Variants in ING4 observed in about 807,000 individuals in gnomAD.
ING4 encodes inhibitor of growth protein 4.
In ING4, 28 loss-of-function variants were observed where a neutral mutation model predicts 33.1. The ratio of observed to expected loss-of-function variants is 0.85; its 90% CI spans 0.63 to 1.16. The LOEUF (loss-of-function observed/expected upper bound fraction) is 1.16. Among genes scored for constraint, ING4 ranks in the 50% most tolerant of loss-of-function variants. The pLI, the probability that ING4 is intolerant of heterozygous loss-of-function variation, is 0.00. For missense variants in ING4, 247 were observed against 314.7 expected (o/e 0.78, Z 1.63); for synonymous variants, 87 against 104.4 (o/e 0.83, Z 1.02).
At chr12:6,652,866 C>G in intron 4 of ING4, 70 bp downstream of exon 4, 2 of 1,541,622 alleles carry the variant, frequency 1.3e-6, no homozygotes, top group South Asian at 2.2e-5. Flanking sequence ...AACTTCCCAC[C>G]AGATGAAGAG....
intron 7 of ING4, 21 bp from the exon 8 acceptor site, chr12:6,651,255 G>T (rs1410338365): frequency 1.2e-6 from 2 of 1,614,028 alleles, no homozygotes; most frequent in Non-Finnish European, 1.7e-6. Context: ...GAAGGGGAGA[G>T]AAAAGTGAGT....
chr12:6,656,676 A>G (rs935093208), intron 2 of ING4, 51 bp downstream of exon 2: 4 of 1,025,318 alleles, frequency 3.9e-6, no homozygotes, highest in Admixed American at 4.8e-5. Flanking sequence ...GTAGAAAAAT[A>G]AATGATTACA....
Position 6,650,923 on chromosome 12 carries a change from A to C in ING4, c.*272T>G, listed in dbSNP as rs1949159565. ...CCCTCTGAAATACAGCACCGACCTC[A>C]GCATGGAGGCAAAAGGACAGTGGGC... On this transcript the variant is annotated 3_prime_UTR_variant, in exon 8 of 8. Transcript: ENST00000341550. 1.8e-6 allele frequency: 1 copy of C among 545,868 alleles called. No individual in the cohort carries two copies. The highest frequency in any genetic ancestry group is 2.2e-5 in the South Asian group (1 of 46,176). 33.8% of individuals were successfully genotyped at this position (545,868 alleles called of 1,614,324 possible). A position where few individuals can be genotyped will look rare whatever the true frequency, so the allele number is the denominator to read the frequency against.
At position 6,652,945 on chromosome 12, in the gene ING4, C is replaced by T; in HGVS notation, c.382G>A (p.Gly128Ser). ...CCCGCCCCCTCCTCACTCTTTTTGC[C>T]TTTGCTGGAAGAGCTGTCATAGTCA... is the stretch of plus-strand genomic sequence containing the variant. ...SSDYDSSSSK[G>S]KKSRTQKEKK... Residue 128 changes from glycine (G) to serine (S), a missense_variant, in exon 4 of 8, where the codon GGC becomes AGC. Physicochemically the swap from Gly to Ser is moderately conservative, Grantham distance 56. Around this residue, in one of 3 missense-constraint regions of ING4, gnomAD observed 198 missense variants for 221.2 expected, o/e 0.89. Coordinates refer to ENST00000341550, the MANE Select transcript of ING4 (RefSeq NM_016162.4). 1 of 1,613,806 alleles carries T rather than the reference C, an allele frequency of 6.2e-7. No homozygotes were observed. The highest frequency in any genetic ancestry group is 8.5e-7 in the Non-Finnish European group (1 of 1,179,780).
chr12:6,662,264 C>G (rs143895274), intron 1 of ING4, among the ~76,000 whole-genome samples: 2 of 152,280 alleles, frequency 1.3e-5, no homozygotes, highest in African/African-American at 4.8e-5. Flanking sequence ...TAATTACCCC[C>G]CTTTTCTCCA....
At chr12:6,654,252 A>G (rs759666403) in intron 2 of ING4, among the ~76,000 whole-genome samples, 40 of 151,926 alleles carry the variant, frequency 2.6e-4, no homozygotes, top group Non-Finnish European at 2.6e-4. Context: ...GTAGTTGAGT[A>G]TATCACACAA....
chr12:6,654,038 C>G (rs933136810), intron 2 of ING4, among the ~76,000 whole-genome samples: 1 of 151,956 alleles, frequency 6.6e-6, no homozygotes, highest in Non-Finnish European at 1.5e-5. Context: ...GCTTTTTCCA[C>G]GTTACCCAGG....
rs1212591733 is a variant in ING4 at position 6,652,142 on chromosome 12, G to C, written c.645+129C>G. ...CCCAAAGTGCTGGGATTTCAGGCAA[G>C]AGCTACTACGTCCAGCCCATCTTTC... On this transcript the variant is annotated intron_variant, in intron 6 of 7. Coordinates refer to ENST00000341550, the MANE Select transcript of ING4 (RefSeq NM_016162.4). 2.8e-5 allele frequency: 33 copies of C among 1,170,268 alleles called. No individual in the cohort carries two copies. The East Asian group carries it at 4.8e-4, about 17-fold the overall frequency. The allele number at this position is 1,170,268 out of a possible 1,614,324, so 72.5% of individuals were successfully genotyped here.
Position 6,652,279 on chromosome 12 carries a change from T to C in ING4, c.637A>G (p.Asn213Asp), listed in dbSNP as rs201257362. 6.2e-6 allele frequency: 10 copies of C among 1,614,000 alleles called. No homozygotes were observed. The Admixed American group carries it at 1.5e-4, about 24-fold the overall frequency. Residue 213 changes from asparagine (N) to aspartate (D), a missense_variant, in exon 6 of 8, where the codon AAC becomes GAC. Physicochemically the swap from Asn to Asp is conservative, Grantham distance 23. Coordinates refer to ENST00000341550, the MANE Select transcript of ING4 (RefSeq NM_016162.4). ...VSYGEMIGCD[N>D]PDCSIEWFHF... The stretch of plus-strand genomic sequence containing the variant: ...GGCAAAATGTTTCTCACATCAGGGT[T>C]GTCACAGCCAATCATCTCTCCATAG...
At chr12:6,653,867 T>C (rs1949263723) in intron 2 of ING4, among the ~76,000 whole-genome samples, 1 of 152,218 alleles carries the variant, frequency 6.6e-6, no homozygotes, top group Admixed American at 6.5e-5. Context: ...AAATTATTAG[T>C]ATTTTTTCTT....
Position 6,652,328 on chromosome 12 carries a change from G to C in ING4, c.588C>G (p.Thr196=). 1 of 1,614,154 alleles carries C rather than the reference G, an allele frequency of 6.2e-7. No individual in the cohort carries two copies. The highest frequency in any genetic ancestry group is 2.2e-5 in the East Asian group (1 of 44,874). The stretch of plus-strand genomic sequence containing the variant: ...AGGAGACCTGGTGACAAAGGCAATA[G>C]GTGGGTTCGTTGGGATCCACAGGCA... ...LDMPVDPNEP[T]YCLCHQVSYG... is the part of the protein sequence containing the mutation. Residue 196 remains threonine (T), a synonymous_variant, in exon 6 of 8, where the codon ACC becomes ACG. Coordinates refer to ENST00000341550, the MANE Select transcript of ING4 (RefSeq NM_016162.4).
At chr12:6,651,833 C>T (rs902095611) in intron 6 of ING4, among the ~76,000 whole-genome samples, 3 of 148,950 alleles carry the variant, frequency 2.0e-5, no homozygotes, top group African/African-American at 7.4e-5. Flanking sequence ...TGAGCCACAG[C>T]GCCAGGCTTT....
In ING4 at chr12:6,652,965, T is replaced by G; in HGVS notation, c.362A>C (p.Tyr121Ser). The G allele has an allele frequency of 6.2e-7, 1 of 1,614,036 alleles. No individual in the cohort carries two copies. ...TTTGCCTTTGCTGGAAGAGCTGTCA[T>G]AGTCACTTGACTCAATCTGTTTCTC... is the stretch of plus-strand genomic sequence containing the variant. ...LKEKQIESSDYDSSSSKGKKS... is the reference protein window; with the variant it reads ...LKEKQIESSDSDSSSSKGKKS... The change falls in exon 4 of 8, where the codon TAT becomes TCT. Residue 121 changes from tyrosine (Y) to serine (S), a missense_variant. By Grantham distance (144) the Tyr-to-Ser change is moderately radical. Around this residue, in one of 3 missense-constraint regions of ING4, gnomAD observed 198 missense variants for 221.2 expected, o/e 0.89. Transcript: ENST00000341550.
intron 2 of ING4, 41 bp from the exon 3 acceptor site, chr12:6,653,437 TG>T: frequency 6.3e-7 from 1 of 1,580,024 alleles, no homozygotes; most frequent in Non-Finnish European, 8.6e-7. Flanking sequence ...GGCCCCTGAG[TG>T]GCTAGGTGAA....
rs1393142958 is a variant in ING4, at chr12:6,650,995, C to T, written c.*200G>A. On this transcript the variant is annotated 3_prime_UTR_variant, in exon 8 of 8. Transcript: ENST00000341550. ...GAGAGGGCTGAAGGAGAGCACATACCGTTAGTGGCTGCGGCACCCCTCCCT... is the reference window on the plus strand; with the variant it reads ...GAGAGGGCTGAAGGAGAGCACATACTGTTAGTGGCTGCGGCACCCCTCCCT... 7.9e-6 allele frequency: 5 copies of T among 635,232 alleles called. No homozygotes were observed. Among genetic ancestry groups the T allele is most frequent in the Non-Finnish European group, 1.1e-5 (4 of 354,632 alleles). 39.3% of individuals were successfully genotyped at this position (635,232 alleles called of 1,614,324 possible). A position where few individuals can be genotyped will look rare whatever the true frequency, so the allele number is the denominator to read the frequency against.
rs1290351346 is a variant in ING4 at position 6,652,644 on chromosome 12, G to C, written c.497+18C>G. ...AGAAGAGGATGTCATCCGGCAAAGG[G>C]CTCCCTGAATCACTCACGTGCGCAC... On this transcript the variant is annotated intron_variant, in intron 5 of 7. Coordinates refer to ENST00000341550, the MANE Select transcript of ING4 (RefSeq NM_016162.4). 1 of 1,605,734 alleles carries C rather than the reference G, an allele frequency of 6.2e-7. No homozygotes were observed. The highest frequency in any genetic ancestry group is 8.5e-7 in the Non-Finnish European group (1 of 1,173,160).
At chr12:6,663,009 T>C in intron 1 of ING4, 56 bp downstream of exon 1, 1 of 1,572,228 alleles carries the variant, frequency 6.4e-7, no homozygotes, top group Non-Finnish European at 8.7e-7. Context: ...GATCCTCTCA[T>C]CCCTGATCCC....
At chr12:6,652,863 C>A (rs936937545) in intron 4 of ING4, 73 bp downstream of exon 4, 25 of 1,542,050 alleles carry the variant, frequency 1.6e-5, no homozygotes, top group Non-Finnish European at 2.1e-5. Context: ...CCAAACTTCC[C>A]ACCAGATGAA....
Position 6,650,570 on chromosome 12 carries a change from T to G in ING4, c.*625A>C, listed in dbSNP as rs1949148945. ...TCAGCATGTTTACTAAAACAGTGTCTCTACAATAAACACAGCAGGCCAACA... is the reference window on the plus strand; with the variant it reads ...TCAGCATGTTTACTAAAACAGTGTCGCTACAATAAACACAGCAGGCCAACA... On this transcript the variant is annotated 3_prime_UTR_variant, in exon 8 of 8. Transcript: ENST00000341550. 1 of 153,330 alleles carries G rather than the reference T, an allele frequency of 6.5e-6. No homozygotes were observed. The highest frequency in any genetic ancestry group is 2.4e-5 in the African/African-American group (1 of 41,460). The allele number at this position is 153,330 out of a possible 1,614,324, so 9.5% of individuals were successfully genotyped here. A position where few individuals can be genotyped will look rare whatever the true frequency, so the allele number is the denominator to read the frequency against.
Sources: gnomAD v4.1 joint callset for allele counts (sites outside exome capture counted in the v4.1 genomes callset) on GRCh38, gnomAD v4.1.1 for gene constraint, gnomAD v4.1.1 regional missense constraint, MANE v1.5 for transcripts, NCBI Gene and HGNC (gene_info 2026-07-23, HGNC 2026-07-21) for gene names.